Variants in SUCLA2 observed in about 807,000 individuals in gnomAD.
The protein encoded by SUCLA2 is succinate--CoA ligase [ADP-forming] subunit beta, mitochondrial.
SUCLA2 carries 30 observed loss-of-function variants against 54.8 expected under a neutral mutation model. The observed-to-expected ratio is 0.55, with a 90% CI of 0.41 to 0.74. The LOEUF (loss-of-function observed/expected upper bound fraction) is 0.74. Ranked by LOEUF, SUCLA2 falls within the 30% of genes least tolerant of loss-of-function variation. The pLI is 0.00. For missense variants in SUCLA2, 476 were observed against 562.9 expected, an observed-to-expected ratio of 0.85 and a Z score of 1.56; for synonymous variants, 172 against 188.9, an observed-to-expected ratio of 0.91 and a Z score of 0.74.
chr13:47,959,549 C>T (rs143645070), intron 6 of SUCLA2, among the ~76,000 whole-genome samples: 23 of 144,332 alleles, frequency 1.6e-4, no homozygotes, highest in East Asian at 1.4e-3. Context: ...TGGGACTGAT[C>T]GGAAAGCCCA....
intron 4 of SUCLA2, among the ~76,000 whole-genome samples, chr13:47,983,585 G>T (rs1950076020): frequency 6.6e-6 from 1 of 151,398 alleles, no homozygotes; most frequent in Admixed American, 6.6e-5. Context: ...CGCCTCCCGG[G>T]TTCACGCCAT....
At chr13:47,983,887 C>T (rs188325824) in intron 4 of SUCLA2, among the ~76,000 whole-genome samples, 66 of 151,884 alleles carry the variant, frequency 4.3e-4, no homozygotes, top group African/African-American at 1.5e-3. Flanking sequence ...ATATTAAATT[C>T]TCACTAAAGT....
chr13:47,947,472 T>C (rs1484454563), intron 10 of SUCLA2, among the ~76,000 whole-genome samples: 3 of 152,182 alleles, frequency 2.0e-5, no homozygotes, highest in Admixed American at 6.5e-5. Context: ...TGGTAACAAA[T>C]GGTTGACACG....
At chr13:47,975,273 C>G (rs4941620) in intron 4 of SUCLA2, among the ~76,000 whole-genome samples, 142,263 of 152,046 alleles carry the variant, frequency 0.94, 66,583 homozygotes, top group East Asian at 1. Context: ...GGATTCTCCT[C>G]TCTCAGCCTC....
At chr13:47,951,311 A>T (rs1446162379) in intron 8 of SUCLA2, among the ~76,000 whole-genome samples, 1 of 82,728 alleles carries the variant, frequency 1.2e-5, no homozygotes, top group African/African-American at 4.1e-5. Flanking sequence ...CTAGTCCGCC[A>T]CCCCGCCCCC....
chr13:47,980,129 C>T (rs1240116655), intron 4 of SUCLA2, among the ~76,000 whole-genome samples: 3 of 152,118 alleles, frequency 2.0e-5, no homozygotes, highest in African/African-American at 7.2e-5. Context: ...AAAGAAGACA[C>T]AAACAGGCAG....
chr13:47,946,592 T>TA (rs201297857), intron 10 of SUCLA2, among the ~76,000 whole-genome samples: 6,313 of 146,212 alleles, frequency 0.043, 202 homozygotes, highest in African/African-American at 0.086. Flanking sequence ...TTTTTTTTTT[T>TA]TAAAAAAAGC....
chr13:47,968,922 T>C lies in SUCLA2; in HGVS notation c.664-189A>G, dbSNP rs79358571. 0.012 allele frequency among the ~76,000 whole-genome samples: 1,831 copies of C among 152,304 alleles called. 37 individuals carry two copies. Among genetic ancestry groups the C allele is most frequent in the African/African-American group, 0.042 (1,744 of 41,566 alleles). ...CTTTTTATTCAAAATCTTCAAAAGA[T>C]AGATATTATGCCCATTTTATAGATA... On this transcript the variant is annotated intron_variant, in intron 5 of 10. Transcript: ENST00000646932.
chr13:47,956,002 G>C (rs946974245), intron 6 of SUCLA2, among the ~76,000 whole-genome samples: 2 of 152,092 alleles, frequency 1.3e-5, no homozygotes, highest in Non-Finnish European at 2.9e-5. Context: ...TTACACCATA[G>C]CTCCCAAAAT....
At chr13:47,975,069 C>T (rs967409553) in intron 4 of SUCLA2, among the ~76,000 whole-genome samples, 2 of 150,478 alleles carry the variant, frequency 1.3e-5, no homozygotes, top group Admixed American at 1.3e-4. Flanking sequence ...AATTTTTTTA[C>T]AATGAACATA....
At chr13:47,990,387 T>C (rs1250426888) in intron 2 of SUCLA2, among the ~76,000 whole-genome samples, 2 of 152,092 alleles carry the variant, frequency 1.3e-5, no homozygotes, top group East Asian at 3.9e-4. Flanking sequence ...CTAAATGCCC[T>C]GAATTGATCA....
At chr13:47,974,459 C>T (rs904329432) in intron 4 of SUCLA2, among the ~76,000 whole-genome samples, 1 of 152,068 alleles carries the variant, frequency 6.6e-6, no homozygotes, top group African/African-American at 2.4e-5. Flanking sequence ...TGGTGGCATG[C>T]CCCTTTAGTC....
intron 1 of SUCLA2, chr13:48,000,755 C>T: frequency 1.5e-6 from 1 of 653,404 alleles, no homozygotes; most frequent in Non-Finnish European, 1.9e-6. Context: ...CTGACATTCC[C>T]ACCTATGACA....
At chr13:47,980,880 T>A (rs560568326) in intron 4 of SUCLA2, among the ~76,000 whole-genome samples, 31 of 152,084 alleles carry the variant, frequency 2.0e-4, no homozygotes, top group African/African-American at 7.2e-4. Context: ...GCTAGAAAAA[T>A]TGGATATCCA....
intron 1 of SUCLA2, chr13:48,000,788 C>T: frequency 2.1e-6 from 2 of 958,288 alleles, no homozygotes; most frequent in Non-Finnish European, 2.6e-6. Context: ...CACAAAAGTA[C>T]TTTTGAAGGG....
chr13:48,001,065 G>T (rs532225645), intron 1 of SUCLA2, 115 bp downstream of exon 1: 14 of 1,523,490 alleles, frequency 9.2e-6, no homozygotes, highest in African/African-American at 1.4e-5. Flanking sequence ...GCCTTGCAGG[G>T]CACCCAGAAA....
Position 47,949,059 on chromosome 13 carries a change from T to G in SUCLA2, c.1229-31A>C, listed in dbSNP as rs749009505. 3.8e-6 allele frequency: 6 copies of G among 1,596,482 alleles called. No homozygotes were observed. In the South Asian group the frequency reaches 5.5e-5, roughly 15 times the overall value. On this transcript the variant is annotated intron_variant, in intron 9 of 10. Transcript: ENST00000646932. Reference sequence around the variant, plus strand: ...AATGATTTATGCAAATATAAATGTTTTAAATACACACACAAAAGCATTTTA... The same window carrying G: ...AATGATTTATGCAAATATAAATGTTGTAAATACACACACAAAAGCATTTTA...
rs1453994454 is a variant in SUCLA2, at chr13:47,949,022, C to T, written c.1235G>A (p.Arg412Gln). The T allele has an allele frequency of 2.5e-6, 4 of 1,613,468 alleles. No individual in the cohort carries two copies. The highest frequency in any genetic ancestry group is 3.4e-6 in the Non-Finnish European group (4 of 1,179,506). ...TATCAGTGCCTTAGCATCATCGACT[C>T]GTGTACCTGTAAATGATTTATGCAA... is the stretch of plus-strand genomic sequence containing the variant. ...IPVVVRLQGT[R>Q]VDDAKALIAD... The change falls in exon 10 of 11, where the codon CGA (arginine) becomes CAA (glutamine). Residue 412 changes from arginine to glutamine, a missense_variant. By Grantham distance (43) the Arg-to-Gln change is conservative (BLOSUM62 1). Around this residue, in one of 2 missense-constraint regions of SUCLA2, gnomAD observed 342 missense variants for 444.2 expected, o/e 0.77. Transcript: ENST00000646932.
intron 4 of SUCLA2, chr13:47,988,328 T>C (rs898924857): frequency 1.8e-6 from 1 of 554,760 alleles, no homozygotes. Flanking sequence ...AGCAGAATTT[T>C]TCCTATAATT....
Sources: gnomAD v4.1 joint callset for allele counts (sites outside exome capture counted in the v4.1 genomes callset) on GRCh38, gnomAD v4.1.1 for gene constraint, gnomAD v4.1.1 regional missense constraint, MANE v1.5 for transcripts, NCBI Gene and HGNC (gene_info 2026-07-23, HGNC 2026-07-21) for gene names.